Variants in SLC44A5 observed in about 807,000 individuals in gnomAD.
SLC44A5 encodes solute carrier family 44 member 5.
Under a neutral mutation model 101.8 loss-of-function variants are expected in SLC44A5, and 57 were observed. The observed-to-expected ratio is 0.56, with a 90% CI of 0.45 to 0.70. The LOEUF is 0.70. Among genes scored for constraint, SLC44A5 ranks in the 30% least tolerant of loss-of-function variants. SLC44A5 has a pLI of 0.00. For missense variants in SLC44A5, 737 were observed against 853.1 expected (o/e 0.86, Z 1.70); for synonymous variants, 281 against 290.9 (o/e 0.97, Z 0.35).
chr1:75,462,145 G>A (rs528666395), intron 2 of SLC44A5, among the ~76,000 whole-genome samples: 1 of 152,294 alleles, frequency 6.6e-6, no homozygotes, highest in East Asian at 1.9e-4. Flanking sequence ...GCCAAAGGGT[G>A]CTTATGTCAC....
intron 2 of SLC44A5, among the ~76,000 whole-genome samples, chr1:75,397,836 T>C (rs531884918): frequency 6.6e-6 from 1 of 152,258 alleles, no homozygotes; most frequent in Non-Finnish European, 1.5e-5. Context: ...ATGTCAAATG[T>C]ATGAGAAAAA....
intron 4 of SLC44A5, among the ~76,000 whole-genome samples, chr1:75,314,249 C>T (rs1655526710): frequency 6.6e-6 from 1 of 152,160 alleles, no homozygotes; most frequent in East Asian, 1.9e-4. Flanking sequence ...TTGTCTCCCC[C>T]TTTACTAGAC....
intron 13 of SLC44A5, among the ~76,000 whole-genome samples, chr1:75,225,104 G>A (rs1647170044): frequency 6.6e-6 from 1 of 152,070 alleles, no homozygotes; most frequent in Non-Finnish European, 1.5e-5. Flanking sequence ...AGTCCTGCAA[G>A]CTCCATTCAT....
the SLC44A5 span, among the ~76,000 whole-genome samples, chr1:75,700,736 T>A: frequency 6.6e-6 from 1 of 151,938 alleles, no homozygotes; most frequent in Admixed American, 6.6e-5. Context: ...TTTGAAAAGA[T>A]CAACAAAATT....
intron 1 of SLC44A5, among the ~76,000 whole-genome samples, chr1:75,542,603 T>C (rs762136259): frequency 3.3e-5 from 5 of 152,110 alleles, no homozygotes; most frequent in Non-Finnish European, 7.4e-5. Context: ...TTATTGAAGG[T>C]GAACATTTTA....
At chr1:75,717,376 C>G in the SLC44A5 span, among the ~76,000 whole-genome samples, 1 of 150,938 alleles carries the variant, frequency 6.6e-6, no homozygotes, top group African/African-American at 2.4e-5. Flanking sequence ...GAAAAAATAT[C>G]AGAAGTTCTC....
At chr1:75,446,891 C>T (rs891981723) in intron 2 of SLC44A5, among the ~76,000 whole-genome samples, 6 of 152,102 alleles carry the variant, frequency 3.9e-5, no homozygotes, top group Non-Finnish European at 7.4e-5. Flanking sequence ...TAAAATAACA[C>T]TGAAAATTTT....
intron 23 of SLC44A5, among the ~76,000 whole-genome samples, chr1:75,208,321 G>A (rs546332922): frequency 6.6e-6 from 1 of 152,156 alleles, no homozygotes; most frequent in South Asian, 2.1e-4. Flanking sequence ...ACCATGCCTG[G>A]CTAATTTTTG....
Position 75,344,090 on chromosome 1 carries a change from T to C in SLC44A5, c.53-4460A>G, listed in dbSNP as rs1176758699. Among the ~76,000 whole-genome samples, 3 of 152,232 alleles carry C rather than the reference T, an allele frequency of 2.0e-5. No homozygotes were observed. In the South Asian group the frequency reaches 6.2e-4, roughly 32 times the overall value. On this transcript the variant is annotated intron_variant, in intron 3 of 23. Transcript: ENST00000370859. ...CTGTTCCCTCTGAGCAATGTGACTT[T>C]CTCCTCCTTATTCCCTTGGTGATGG...
chr1:75,651,378 T>C, the SLC44A5 span, among the ~76,000 whole-genome samples: 78 of 152,156 alleles, frequency 5.1e-4, no homozygotes, highest in Non-Finnish European at 9.0e-4. Flanking sequence ...CTACAGACAT[T>C]GTTCTAGGTC....
At chr1:75,320,118 T>G (rs1165038581) in intron 4 of SLC44A5, among the ~76,000 whole-genome samples, 5 of 152,122 alleles carry the variant, frequency 3.3e-5, no homozygotes, top group Non-Finnish European at 7.4e-5. Context: ...AAGTCAAGAA[T>G]GTAGGACGTC....
chr1:75,492,015 T>C (rs1295477220), intron 2 of SLC44A5, among the ~76,000 whole-genome samples: 1 of 152,166 alleles, frequency 6.6e-6, no homozygotes. Context: ...TTAAAAAGTA[T>C]CCTGAAATAG....
intron 1 of SLC44A5, among the ~76,000 whole-genome samples, chr1:75,578,407 T>C (rs1343815858): frequency 6.6e-6 from 1 of 152,164 alleles, no homozygotes; most frequent in Non-Finnish European, 1.5e-5. Flanking sequence ...AATAGATGAT[T>C]GATAGAGATA....
At chr1:75,300,425 C>T (rs1002190834) in intron 5 of SLC44A5, among the ~76,000 whole-genome samples, 187 bp downstream of exon 5, 1 of 152,112 alleles carries the variant, frequency 6.6e-6, no homozygotes, top group African/African-American at 2.4e-5. Context: ...TTTGACTAAA[C>T]TGTTTTATGT....
chr1:75,260,173 T>C (rs184059679), intron 6 of SLC44A5, among the ~76,000 whole-genome samples: 203 of 152,160 alleles, frequency 1.3e-3, no homozygotes, highest in African/African-American at 4.7e-3. Flanking sequence ...AATTCACATA[T>C]AACAATATTA....
In SLC44A5 at chr1:75,461,045, C is replaced by T. The variant is rs150809272; in HGVS notation, c.14-64424G>A. The stretch of plus-strand genomic sequence containing the variant: ...ATAGTGAAAAAAAAAATGGAAGCAA[C>T]CCAATGTCCGAGAAAAAGAAAATGG... On this transcript the variant is annotated intron_variant, in intron 2 of 23. Coordinates refer to ENST00000370859, the MANE Select transcript of SLC44A5 (RefSeq NM_001130058.2). 1.1e-3 allele frequency among the ~76,000 whole-genome samples: 169 copies of T among 151,428 alleles called. 1 individual carries two copies. Among genetic ancestry groups the T allele is most frequent in the African/African-American group, 3.8e-3 (155 of 41,254 alleles).
intron 2 of SLC44A5, among the ~76,000 whole-genome samples, chr1:75,495,180 G>A (rs1220881456): frequency 6.6e-6 from 1 of 152,168 alleles, no homozygotes; most frequent in Non-Finnish European, 1.5e-5. Context: ...CATAGGCCAG[G>A]CGCAGTGGCT....
intron 5 of SLC44A5, among the ~76,000 whole-genome samples, chr1:75,293,514 T>A (rs1225764499): frequency 6.6e-6 from 1 of 152,206 alleles, no homozygotes; most frequent in Admixed American, 6.5e-5. Flanking sequence ...TTTTAATATG[T>A]GAGGAACAGG....
the SLC44A5 span, among the ~76,000 whole-genome samples, chr1:75,624,704 A>G: frequency 6.6e-6 from 1 of 152,110 alleles, no homozygotes; most frequent in Non-Finnish European, 1.5e-5. Flanking sequence ...TTCTTCCACT[A>G]GAAGAGGATG....
Sources: allele counts gnomAD v4.1 joint callset (sites outside exome capture counted in the v4.1 genomes callset), GRCh38; gene constraint gnomAD v4.1.1; transcripts MANE v1.5; gene names NCBI Gene and HGNC (gene_info 2026-07-23, HGNC 2026-07-21).